Variants in IL5RA observed in about 807,000 individuals in gnomAD.
IL5RA encodes the protein interleukin-5 receptor subunit alpha.
In IL5RA, 49 loss-of-function variants were observed where a neutral mutation model predicts 50.0. The ratio of observed to expected loss-of-function variants is 0.98; its 90% confidence interval spans 0.78 to 1.24. The LOEUF (loss-of-function observed/expected upper bound fraction) is 1.24, where lower values mean the gene tolerates loss of function less well. IL5RA is among the 50% of genes most tolerant of loss of function. IL5RA has a pLI of 0.00. For missense variants in IL5RA, 600 were observed against 500.4 expected, an observed-to-expected ratio of 1.20 and a Z score of -1.90; for synonymous variants, 202 against 174.0, an observed-to-expected ratio of 1.16 and a Z score of -1.26.
chr3:3,098,894 G>A (rs1358992082), intron 5 of IL5RA, among the ~76,000 whole-genome samples: 3 of 152,188 alleles, frequency 2.0e-5, no homozygotes, highest in Non-Finnish European at 4.4e-5. Context: ...GTCATTTTGA[G>A]GTTGATGTCC....
chr3:3,072,157 G>C (rs1365338873), intron 11 of IL5RA, among the ~76,000 whole-genome samples: 1 of 152,248 alleles, frequency 6.6e-6, no homozygotes, highest in Non-Finnish European at 1.5e-5. Context: ...CGTGGAGGCT[G>C]TGCACGGCCT....
chr3:3,095,209 G>A (rs1703301510), intron 8 of IL5RA, 90 bp downstream of exon 8: 1 of 963,826 alleles, frequency 1.0e-6, no homozygotes, highest in East Asian at 2.4e-5. Flanking sequence ...GTACCAAGCT[G>A]TAACTTGGTT....
intron 9 of IL5RA, among the ~76,000 whole-genome samples, chr3:3,091,224 G>C (rs1703083854): frequency 6.6e-6 from 1 of 152,132 alleles, no homozygotes; most frequent in Non-Finnish European, 1.5e-5. Context: ...TTTTAAAAAA[G>C]TATAAAGTCA....
chr3:3,099,030 C>G (rs1703502574), intron 5 of IL5RA, among the ~76,000 whole-genome samples: 1 of 152,136 alleles, frequency 6.6e-6, no homozygotes, highest in African/African-American at 2.4e-5. Context: ...CTTGCGTATC[C>G]CTTTCCATCC....
chr3:3,091,171 T>G (rs1460155981), intron 9 of IL5RA, among the ~76,000 whole-genome samples: 3 of 152,158 alleles, frequency 2.0e-5, no homozygotes, highest in Non-Finnish European at 2.9e-5. Context: ...CAGATCCAGA[T>G]TTTGTGGGAC....
At chr3:3,101,655 A>G in intron 5 of IL5RA, 37 bp downstream of exon 5, 1 of 1,599,564 alleles carries the variant, frequency 6.3e-7, no homozygotes, top group Middle Eastern at 1.7e-4. Flanking sequence ...TGCAAAGTCC[A>G]AAACATACAA....
intron 5 of IL5RA, among the ~76,000 whole-genome samples, chr3:3,100,699 A>T (rs539903626): frequency 2.4e-4 from 37 of 152,184 alleles, no homozygotes; most frequent in Non-Finnish European, 4.7e-4. Context: ...CATAGGTAAA[A>T]TCCAGTTGTT....
Position 3,092,062 on chromosome 3 carries a change from C to A in IL5RA, c.994+162G>T. 2.9e-6 allele frequency: 4 copies of A among 1,383,508 alleles called. No homozygotes were observed. The highest frequency in any genetic ancestry group is 2.8e-6 in the Non-Finnish European group (3 of 1,072,440). 85.7% of individuals were successfully genotyped at this position (1,383,508 alleles called of 1,614,324 possible). ...CTTAAAAACTTCACTGGCTTCATGG[C>A]AAATCTATTCCTGATTGAAAAGGCA... is the stretch of plus-strand genomic sequence containing the variant. On this transcript the variant is annotated intron_variant, in intron 9 of 11. Coordinates refer to ENST00000446632, the MANE Select transcript of IL5RA (RefSeq NM_175726.4). This position sits in a 1 kb window ranked among gnomAD's most constrained non-coding sequence, Gnocchi z 4.2.
intron 9 of IL5RA, among the ~76,000 whole-genome samples, chr3:3,091,539 C>G (rs17882453): frequency 6.6e-6 from 1 of 152,172 alleles, no homozygotes; most frequent in African/African-American, 2.4e-5. Context: ...CGAGACCAGC[C>G]TGACCAACGT....
intron 7 of IL5RA, 152 bp downstream of exon 7, chr3:3,097,718 T>C (rs1201511397): frequency 7.8e-6 from 6 of 764,888 alleles, no homozygotes; most frequent in Non-Finnish European, 1.2e-5. Flanking sequence ...GGTGTTGGAA[T>C]GGAGAACCTT....
At chr3:3,083,118 T>G (rs1702725201) in intron 9 of IL5RA, among the ~76,000 whole-genome samples, 1 of 152,150 alleles carries the variant, frequency 6.6e-6, no homozygotes, top group Non-Finnish European at 1.5e-5. Context: ...GTGACTTGCC[T>G]CCAGTTGGAG....
intron 2 of IL5RA, among the ~76,000 whole-genome samples, chr3:3,108,141 A>G (rs970802117): frequency 6.6e-6 from 1 of 152,212 alleles, no homozygotes; most frequent in African/African-American, 2.4e-5. Flanking sequence ...TATCCTGTAC[A>G]GTATAATCAG....
At chr3:3,085,455 G>A (rs1204340395) in intron 9 of IL5RA, among the ~76,000 whole-genome samples, 1 of 152,176 alleles carries the variant, frequency 6.6e-6, no homozygotes, top group African/African-American at 2.4e-5. Context: ...CTGAAGGAGA[G>A]TGACGGGATC....
Position 3,092,874 on chromosome 3 carries a change from C to T in IL5RA, c.856-512G>A, listed in dbSNP as rs565056065. ...GCTCCTGACACCTGTATCTTGAATA[C>T]CCCCGGAGGTGTTTCTCCCTTTTTT... On this transcript the variant is annotated intron_variant, in intron 8 of 11. Transcript: ENST00000446632. The surrounding 1 kb of genome is among the most constrained non-coding windows in gnomAD (Gnocchi z 4.2). 1.4e-4 allele frequency among the ~76,000 whole-genome samples: 21 copies of T among 152,232 alleles called. 1 individual carries two copies. The highest frequency in any genetic ancestry group is 1.0e-3 in the South Asian group (5 of 4,822).
chr3:3,109,619 T>A (rs190026853), intron 1 of IL5RA, among the ~76,000 whole-genome samples: 1 of 152,302 alleles, frequency 6.6e-6, no homozygotes, highest in Admixed American at 6.5e-5. Flanking sequence ...ACATCTCACT[T>A]ACTGAGCCAA....
At chr3:3,074,270 A>T (rs1020121051) in intron 11 of IL5RA, among the ~76,000 whole-genome samples, 15 of 152,234 alleles carry the variant, frequency 9.9e-5, no homozygotes, top group African/African-American at 3.6e-4. Flanking sequence ...GTCTTAAAAC[A>T]TTAGAGCTAA....
At chr3:3,085,813 C>T (rs893008901) in intron 9 of IL5RA, among the ~76,000 whole-genome samples, 1 of 152,114 alleles carries the variant, frequency 6.6e-6, no homozygotes, top group Non-Finnish European at 1.5e-5. Flanking sequence ...CTCTGAGACC[C>T]CCACTCCACC....
chr3:3,097,119 C>A (rs1344565609), intron 7 of IL5RA, among the ~76,000 whole-genome samples: 1 of 152,192 alleles, frequency 6.6e-6, no homozygotes. Context: ...TGTGAGAGCG[C>A]CTGATGAGTT....
At chr3:3,099,685 A>ATTATTT (rs1475162353) in intron 5 of IL5RA, among the ~76,000 whole-genome samples, 2 of 148,740 alleles carry the variant, frequency 1.3e-5, no homozygotes, top group Non-Finnish European at 1.5e-5. Context: ...TATTATTATT[A>ATTATTT]TTTGGAAACA....
Sources: gnomAD v4.1 joint callset for allele counts (sites outside exome capture counted in the v4.1 genomes callset) on GRCh38, gnomAD v4.1.1 for gene constraint, Gnocchi (gnomAD v3.1) non-coding constraint, MANE v1.5 for transcripts, NCBI Gene and HGNC (gene_info 2026-07-23, HGNC 2026-07-21) for gene names.